The following CABCOCO1 variants were observed in gnomAD, a reference collection of about 807,000 sequenced individuals.
CABCOCO1 encodes the protein ciliary associated calcium binding coiled-coil 1, also known as ciliary-associated calcium-binding coiled-coil protein 1.
In CABCOCO1, 28 loss-of-function variants were observed where a neutral mutation model predicts 35.7. The observed-to-expected ratio is 0.78, with a 90% CI of 0.58 to 1.07. The LOEUF (loss-of-function observed/expected upper bound fraction) is 1.07, where lower values mean the gene tolerates loss of function less well. CABCOCO1 is among the 50% of genes least tolerant of loss of function. The pLI is 0.00. For synonymous variants in CABCOCO1, 95 were observed against 100.1 expected, an observed-to-expected ratio of 0.95 and a Z score of 0.30; for missense variants, 326 against 309.2, an observed-to-expected ratio of 1.05 and a Z score of -0.41.
At position 61,680,684 on chromosome 10, in the gene CABCOCO1, C is replaced by T. The variant is rs1262263250; in HGVS notation, c.165-459C>T. Among the ~76,000 whole-genome samples the T allele has an allele frequency of 4.7e-4, 34 of 72,948 alleles. 1 individual carries two copies. The highest frequency in any genetic ancestry group is 1.6e-3 in the Admixed American group (10 of 6,200). 47.9% of individuals were successfully genotyped at this position (72,948 alleles called of 152,430 possible). On this transcript the variant is annotated intron_variant, in intron 2 of 7. Coordinates refer to ENST00000648843, the MANE Select transcript of CABCOCO1 (RefSeq NM_001366906.2). ...ATACATGTATAACATATATGTTATACATGTATAACATATATATGTTATACA... is the reference window on the plus strand; with the variant it reads ...ATACATGTATAACATATATGTTATATATGTATAACATATATATGTTATACA...
intron 2 of CABCOCO1, among the ~76,000 whole-genome samples, chr10:61,677,090 A>C (rs538980855): frequency 3.4e-4 from 51 of 151,176 alleles, no homozygotes; most frequent in African/African-American, 1.2e-3. Flanking sequence ...TAATAATAAT[A>C]ATAAATTTTT....
chr10:61,695,493 C>T (rs1159334923), intron 5 of CABCOCO1, among the ~76,000 whole-genome samples: 1 of 151,686 alleles, frequency 6.6e-6, no homozygotes, highest in Non-Finnish European at 1.5e-5. Flanking sequence ...TTAGGATTTA[C>T]TTGAACCCCA....
chr10:61,759,366 C>T (rs981785987), intron 5 of CABCOCO1, among the ~76,000 whole-genome samples: 1 of 152,010 alleles, frequency 6.6e-6, no homozygotes, highest in African/African-American at 2.4e-5. Flanking sequence ...CTCCCCTTTC[C>T]CTCCCCCAAG....
At chr10:61,696,392 G>A (rs1312581906) in intron 5 of CABCOCO1, among the ~76,000 whole-genome samples, 3 of 151,974 alleles carry the variant, frequency 2.0e-5, no homozygotes, top group Non-Finnish European at 4.4e-5. Context: ...TTTTAAATGT[G>A]GAATTGGCCA....
chr10:61,691,071 T>A (rs1429499367), intron 5 of CABCOCO1, among the ~76,000 whole-genome samples: 4 of 152,154 alleles, frequency 2.6e-5, no homozygotes, highest in African/African-American at 9.7e-5. Flanking sequence ...AAACCTACCT[T>A]AATTGCATCA....
rs529421962 is a variant in CABCOCO1 at position 61,680,643 on chromosome 10, T to G, written c.165-500T>G. Among the ~76,000 whole-genome samples the G allele has an allele frequency of 2.2e-4, 19 of 84,838 alleles. 2 individuals are homozygous for G. The highest frequency in any genetic ancestry group is 7.7e-4 in the African/African-American group (17 of 21,960). 55.7% of individuals were successfully genotyped at this position (84,838 alleles called of 152,430 possible). ...ATAACATATACATGTTATACATATATAATATATATTATGTTATACATGTAT... is the reference window on the plus strand; with the variant it reads ...ATAACATATACATGTTATACATATAGAATATATATTATGTTATACATGTAT... On this transcript the variant is annotated intron_variant, in intron 2 of 7. Transcript: ENST00000648843.
intron 5 of CABCOCO1, among the ~76,000 whole-genome samples, chr10:61,694,290 G>T (rs1211847209): frequency 6.8e-6 from 1 of 146,162 alleles, no homozygotes; most frequent in Non-Finnish European, 1.5e-5. Flanking sequence ...CAACTGTCTT[G>T]TTATCTAGTA....
intron 5 of CABCOCO1, among the ~76,000 whole-genome samples, chr10:61,725,898 A>G (rs1387349425): frequency 5.3e-5 from 8 of 152,174 alleles, no homozygotes; most frequent in South Asian, 4.1e-4. Flanking sequence ...AAACACTTAT[A>G]CCAAGAAAAA....
At chr10:61,671,950 T>C (rs182865137) in intron 1 of CABCOCO1, among the ~76,000 whole-genome samples, 13 of 152,340 alleles carry the variant, frequency 8.5e-5, no homozygotes, top group South Asian at 4.1e-4. Context: ...TGTTGAATCA[T>C]TAAATTTAAG....
At chr10:61,689,726 T>C (rs1840077146) in intron 4 of CABCOCO1, among the ~76,000 whole-genome samples, 1 of 152,200 alleles carries the variant, frequency 6.6e-6, no homozygotes, top group Non-Finnish European at 1.5e-5. Context: ...CTTGGGCATT[T>C]TGCTGTATTA....
At chr10:61,695,363 G>A (rs1254611554) in intron 5 of CABCOCO1, among the ~76,000 whole-genome samples, 1 of 151,588 alleles carries the variant, frequency 6.6e-6, no homozygotes, top group Non-Finnish European at 1.5e-5. Context: ...CTGGGTAAGA[G>A]AGTATGGATA....
chr10:61,724,289 G>A (rs936259495), intron 5 of CABCOCO1, among the ~76,000 whole-genome samples: 4 of 152,156 alleles, frequency 2.6e-5, no homozygotes, highest in Non-Finnish European at 2.9e-5. Flanking sequence ...TGTGACTGGA[G>A]TATCTCCATT....
intron 5 of CABCOCO1, chr10:61,701,572 G>C (rs967818118): frequency 2.2e-6 from 2 of 905,398 alleles, no homozygotes; most frequent in African/African-American, 3.6e-5. Context: ...GGCAGGACTT[G>C]GGGGAATGAA....
At chr10:61,703,882 C>A (rs1446893351) in intron 5 of CABCOCO1, among the ~76,000 whole-genome samples, 1 of 152,068 alleles carries the variant, frequency 6.6e-6, no homozygotes, top group East Asian at 1.9e-4. Flanking sequence ...CACACAGAGA[C>A]CTGGATAGTC....
At chr10:61,703,804 T>C (rs1589131601) in intron 5 of CABCOCO1, among the ~76,000 whole-genome samples, 1 of 152,192 alleles carries the variant, frequency 6.6e-6, no homozygotes, top group Non-Finnish European at 1.5e-5. Flanking sequence ...TTGAGGGAAA[T>C]GGTGACTTCT....
At chr10:61,764,159 A>T (rs1434654934) in intron 7 of CABCOCO1, among the ~76,000 whole-genome samples, 2 of 152,136 alleles carry the variant, frequency 1.3e-5, no homozygotes, top group Non-Finnish European at 2.9e-5. Flanking sequence ...TAAGCACATC[A>T]ATCCTTAGCT....
At chr10:61,693,019 C>T (rs374449849) in intron 5 of CABCOCO1, among the ~76,000 whole-genome samples, 12 of 152,206 alleles carry the variant, frequency 7.9e-5, no homozygotes, top group African/African-American at 2.9e-4. Context: ...TTGTTAATTA[C>T]ACAATCATGC....
chr10:61,669,605 G>A lies in CABCOCO1; in HGVS notation c.61-3027G>A, dbSNP rs565913066. Among the ~76,000 whole-genome samples, 36 of 152,038 alleles carry A rather than the reference G, an allele frequency of 2.4e-4. 1 individual carries two copies. The South Asian group carries it at 7.5e-3, about 32-fold the overall frequency. ...AGCAGTCTGGTTTAAAATAGGTCCA[G>A]GAATATAATTTAAAACAGAAGAAAA... On this transcript the variant is annotated intron_variant, in intron 1 of 7. Transcript: ENST00000648843.
At chr10:61,761,609 GACTT>G (rs1445054341) in intron 7 of CABCOCO1, among the ~76,000 whole-genome samples, 1 of 152,028 alleles carries the variant, frequency 6.6e-6, no homozygotes, top group African/African-American at 2.4e-5. Context: ...TCAACTCAAA[GACTT>G]ACAGGAATTC....
Sources: allele counts gnomAD v4.1 joint callset (sites outside exome capture counted in the v4.1 genomes callset), GRCh38; gene constraint gnomAD v4.1.1; transcripts MANE v1.5; gene names NCBI Gene and HGNC (gene_info 2026-07-23, HGNC 2026-07-21).